The following TCF12 variants were observed in gnomAD, a reference collection of about 807,000 sequenced individuals.
TCF12 encodes the protein transcription factor 12, also known as DNA-binding protein HTF4.
In TCF12, 45 loss-of-function variants were observed where a neutral mutation model predicts 86.0. That is an observed-to-expected ratio of 0.52 (90% CI 0.41 to 0.67). TCF12 has a LOEUF of 0.67. Ranked by LOEUF, TCF12 falls within the 30% of genes least tolerant of loss-of-function variation. The pLI is 0.00. For synonymous variants in TCF12, 330 were observed against 299.6 expected, an observed-to-expected ratio of 1.10 and a Z score of -1.05; for missense variants, 881 against 859.9, an observed-to-expected ratio of 1.02 and a Z score of -0.31.
At chr15:57,133,483 C>T (rs1375736423) in intron 5 of TCF12, among the ~76,000 whole-genome samples, 3 of 152,126 alleles carry the variant, frequency 2.0e-5, no homozygotes, top group Non-Finnish European at 2.9e-5. Flanking sequence ...CCTCAGGGTG[C>T]CATTGATTGG....
chr15:57,252,456 G>A lies in TCF12; in HGVS notation c.1224G>A (p.Leu408=), dbSNP rs752603143. The change falls in exon 15 of 21, where the codon TTG becomes TTA. Residue 408 remains leucine, a synonymous_variant. Transcript: ENST00000333725. Reference sequence around the variant, plus strand: ...TTGAGCAGCAACTTCACGAGCATTTGCAAGATGCAATGTCCTTCTTAAAGG... The same window carrying A: ...TTGAGCAGCAACTTCACGAGCATTTACAAGATGCAATGTCCTTCTTAAAGG... ...NRVEQQLHEH[L]QDAMSFLKDV... is the part of the protein sequence containing the mutation. The A allele has an allele frequency of 6.2e-7, 1 of 1,613,936 alleles. No homozygotes were observed. Among genetic ancestry groups the A allele is most frequent in the Admixed American group, 1.7e-5 (1 of 60,018 alleles).
chr15:57,128,673 C>A (rs2051863707), intron 5 of TCF12, among the ~76,000 whole-genome samples: 1 of 152,162 alleles, frequency 6.6e-6, no homozygotes, highest in South Asian at 2.1e-4. Context: ...AACCCCGTAC[C>A]TATTAGAAGT....
intron 3 of TCF12, among the ~76,000 whole-genome samples, chr15:56,982,628 A>T (rs1428526974): frequency 6.6e-6 from 1 of 152,194 alleles, no homozygotes; most frequent in Non-Finnish European, 1.5e-5. Flanking sequence ...AAAAGAAAAA[A>T]ATTAAATTTG....
At chr15:57,072,696 GA>G in intron 4 of TCF12, 1 of 1,307,390 alleles carries the variant, frequency 7.6e-7, no homozygotes. Flanking sequence ...AAGCAAGACA[GA>G]AGGGTCAGAG....
intron 3 of TCF12, among the ~76,000 whole-genome samples, chr15:56,958,674 AGAGAGTGTGT>A (rs1156564185): frequency 4.0e-3 from 256 of 64,584 alleles, no homozygotes; most frequent in African/African-American, 0.012. Context: ...AGAGAGAGAG[AGAGAGTGTGT>A]GTGTGTGTGT....
intron 5 of TCF12, among the ~76,000 whole-genome samples, chr15:57,141,577 G>A (rs751860242): frequency 8.6e-5 from 13 of 152,022 alleles, no homozygotes; most frequent in Non-Finnish European, 1.5e-4. Context: ...TCAAACTCCC[G>A]ACCTCACGTG....
At chr15:57,243,826 A>C (rs1213656687) in intron 13 of TCF12, among the ~76,000 whole-genome samples, 1 of 152,228 alleles carries the variant, frequency 6.6e-6, no homozygotes, top group Non-Finnish European at 1.5e-5. Context: ...AAATAAGACC[A>C]GGCAATTGGA....
chr15:57,006,650 C>T (rs1028654973), intron 3 of TCF12, among the ~76,000 whole-genome samples: 33 of 152,122 alleles, frequency 2.2e-4, no homozygotes, highest in African/African-American at 6.5e-4. Flanking sequence ...GGTGTGGTGG[C>T]TCGTGCCTGT....
At chr15:57,262,966 A>G in intron 17 of TCF12, 146 bp from the exon 18 acceptor site, 2 of 749,312 alleles carry the variant, frequency 2.7e-6, no homozygotes, top group Non-Finnish European at 4.2e-6. Flanking sequence ...AGCTCTAAAT[A>G]GTATACTTTC....
intron 3 of TCF12, among the ~76,000 whole-genome samples, chr15:57,001,887 T>C (rs11630195): frequency 0.39 from 58,869 of 151,962 alleles, 14,187 homozygotes; most frequent in Non-Finnish European, 0.53. Context: ...TGGAAAGCCA[T>C]AGGAGTAAAA....
At position 57,042,144 on chromosome 15, in the gene TCF12, A is replaced by ACCTT. The variant is rs1482359685; in HGVS notation, c.149-21606_149-21605insCCTT. 2.6e-3 allele frequency among the ~76,000 whole-genome samples: 389 copies of ACCTT among 151,894 alleles called. 2 individuals are homozygous for ACCTT. Among genetic ancestry groups the ACCTT allele is most frequent in the African/African-American group, 9.1e-3 (375 of 41,416 alleles). On this transcript the variant is annotated intron_variant, in intron 3 of 20. Transcript: ENST00000333725. ...ATTTTTATTGTTTTTTTTGAGATGG[A>ACCTT]GTTTTGCCTTGTTGCCCAGGCTGGA...
intron 16 of TCF12, among the ~76,000 whole-genome samples, chr15:57,259,014 A>G (rs2060469820): frequency 6.6e-6 from 1 of 152,186 alleles, no homozygotes; most frequent in Non-Finnish European, 1.5e-5. Context: ...TCAACTGAAT[A>G]GAAAGATTTT....
chr15:57,034,457 TTAA>T (rs1339027931), intron 3 of TCF12, among the ~76,000 whole-genome samples: 1 of 152,168 alleles, frequency 6.6e-6, no homozygotes, highest in African/African-American at 2.4e-5. Context: ...ACAAAGGAAA[TTAA>T]TAATGTTTGA....
At chr15:57,109,829 T>G (rs1210847407) in intron 5 of TCF12, among the ~76,000 whole-genome samples, 1 of 152,222 alleles carries the variant, frequency 6.6e-6, no homozygotes, top group East Asian at 1.9e-4. Flanking sequence ...ACAGTTGTAT[T>G]AAGTCAGCCA....
chr15:57,031,607 T>A (rs1221508648), intron 3 of TCF12, among the ~76,000 whole-genome samples: 2 of 152,236 alleles, frequency 1.3e-5, no homozygotes, highest in Non-Finnish European at 2.9e-5. Flanking sequence ...TTATAAAATC[T>A]GGACAGAATA....
chr15:56,976,041 T>C (rs1004260122), intron 3 of TCF12, among the ~76,000 whole-genome samples: 1 of 151,926 alleles, frequency 6.6e-6, no homozygotes, highest in African/African-American at 2.4e-5. Context: ...ACACCGTATA[T>C]GTTTAAATGG....
At chr15:57,153,853 C>G (rs1322378991) in intron 5 of TCF12, among the ~76,000 whole-genome samples, 3 of 151,322 alleles carry the variant, frequency 2.0e-5, no homozygotes, top group Non-Finnish European at 4.4e-5. Flanking sequence ...AAGACTCTGT[C>G]TCTCCAAAAA....
In TCF12 at chr15:57,191,830, A is replaced by G. The variant is rs528963610; in HGVS notation, c.391-328A>G. Among the ~76,000 whole-genome samples the G allele has an allele frequency of 2.6e-5, 4 of 152,044 alleles. No individual in the cohort carries two copies. In the South Asian group the frequency reaches 8.3e-4, roughly 32 times the overall value. Reference sequence around the variant, plus strand: ...GCGCCTGTAATCCCAGCTACTCAGGAGGCTGAGGCATGAGAATCGCTTGAA... The same window carrying G: ...GCGCCTGTAATCCCAGCTACTCAGGGGGCTGAGGCATGAGAATCGCTTGAA... On this transcript the variant is annotated intron_variant, in intron 6 of 20. Coordinates refer to ENST00000333725, the MANE Select transcript of TCF12 (RefSeq NM_207037.2).
chr15:57,243,891 T>G (rs1444402028), intron 13 of TCF12, among the ~76,000 whole-genome samples: 1 of 152,170 alleles, frequency 6.6e-6, no homozygotes, highest in Non-Finnish European at 1.5e-5. Flanking sequence ...AAAGTTATTT[T>G]TTTTAGAGAC....
Sources: gnomAD v4.1 joint callset for allele counts (sites outside exome capture counted in the v4.1 genomes callset) on GRCh38, gnomAD v4.1.1 for gene constraint, MANE v1.5 for transcripts, NCBI Gene and HGNC (gene_info 2026-07-23, HGNC 2026-07-21) for gene names.